Variants in MAPKAP1 observed in about 807,000 individuals in gnomAD.
MAPKAP1 encodes the protein MAPK associated protein 1.
A neutral mutation model predicts 65.7 loss-of-function variants in MAPKAP1; 20 were observed. The ratio of observed to expected loss-of-function variants is 0.30; its 90% CI spans 0.21 to 0.44. MAPKAP1 has a LOEUF of 0.44. Ranked by LOEUF, MAPKAP1 falls within the 20% of genes least tolerant of loss-of-function variation. The pLI is 1.00. For missense variants in MAPKAP1, 423 were observed against 648.0 expected, an observed-to-expected ratio of 0.65 and a Z score of 3.77; for synonymous variants, 222 against 244.3, an observed-to-expected ratio of 0.91 and a Z score of 0.85.
intron 4 of MAPKAP1, among the ~76,000 whole-genome samples, chr9:125,589,271 C>A (rs1831882169): frequency 6.6e-6 from 1 of 152,178 alleles, no homozygotes. Flanking sequence ...CTTCAGAGCG[C>A]TTAACAATTG....
At chr9:125,640,347 C>A (rs1246451996) in intron 4 of MAPKAP1, among the ~76,000 whole-genome samples, 1 of 152,054 alleles carries the variant, frequency 6.6e-6, no homozygotes, top group Non-Finnish European at 1.5e-5. Flanking sequence ...TCGTGATCCG[C>A]CCGCCTCGGC....
At chr9:125,638,962 A>C (rs1833501101) in intron 4 of MAPKAP1, among the ~76,000 whole-genome samples, 1 of 152,226 alleles carries the variant, frequency 6.6e-6, no homozygotes, top group South Asian at 2.1e-4. Flanking sequence ...GAGCCCTTCA[A>C]ATATAGAGAT....
intron 1 of MAPKAP1, among the ~76,000 whole-genome samples, chr9:125,681,354 T>A (rs1056334845): frequency 1.3e-5 from 2 of 152,122 alleles, no homozygotes; most frequent in Non-Finnish European, 2.9e-5. Flanking sequence ...AAGTCAGGGG[T>A]AAAAGACTAT....
At chr9:125,617,843 G>A (rs1053409440) in intron 4 of MAPKAP1, among the ~76,000 whole-genome samples, 2 of 152,032 alleles carry the variant, frequency 1.3e-5, no homozygotes, top group African/African-American at 2.4e-5. Flanking sequence ...GACACGGAGG[G>A]GACTTCAAAA....
intron 4 of MAPKAP1, chr9:125,652,335 G>C: frequency 1.1e-6 from 1 of 914,964 alleles, no homozygotes; most frequent in Non-Finnish European, 1.4e-6. Flanking sequence ...TAACCAGTAT[G>C]TGTTAATTGC....
At chr9:125,655,703 G>A (rs1834015058) in intron 4 of MAPKAP1, among the ~76,000 whole-genome samples, 1 of 152,148 alleles carries the variant, frequency 6.6e-6, no homozygotes, top group Non-Finnish European at 1.5e-5. Context: ...GGGTTTAATT[G>A]TATTTTAGCA....
intron 10 of MAPKAP1, among the ~76,000 whole-genome samples, chr9:125,466,009 G>A (rs928163516): frequency 8.5e-5 from 13 of 152,242 alleles, no homozygotes; most frequent in Admixed American, 5.9e-4. Context: ...TATGGGCTAT[G>A]AGGCTAGCGT....
intron 4 of MAPKAP1, among the ~76,000 whole-genome samples, chr9:125,601,441 A>G (rs1213392920): frequency 6.6e-6 from 1 of 152,198 alleles, no homozygotes; most frequent in Non-Finnish European, 1.5e-5. Flanking sequence ...ACAAATTTCT[A>G]TACAGTGGTA....
At chr9:125,588,443 G>A (rs997926227) in intron 4 of MAPKAP1, among the ~76,000 whole-genome samples, 1 of 152,140 alleles carries the variant, frequency 6.6e-6, no homozygotes. Flanking sequence ...GGGGGTGATC[G>A]TAATGTTCTG....
At position 125,688,528 on chromosome 9, in the gene MAPKAP1, A is replaced by G. The variant is rs2131840456; in HGVS notation, c.-69-15885T>C. 1.3e-5 allele frequency among the ~76,000 whole-genome samples: 2 copies of G among 152,338 alleles called. 1 individual carries two copies. Among genetic ancestry groups the G allele is most frequent in the South Asian group, 4.1e-4 (2 of 4,834 alleles). Reference sequence around the variant, plus strand: ...TCATTCTGCTTATAATACTATAATTAGGGTGAGAATGTTCCACAACATACA... The same window carrying G: ...TCATTCTGCTTATAATACTATAATTGGGGTGAGAATGTTCCACAACATACA... On this transcript the variant is annotated intron_variant, in intron 1 of 11. Coordinates refer to ENST00000265960, the MANE Select transcript of MAPKAP1 (RefSeq NM_001006617.3).
intron 5 of MAPKAP1, among the ~76,000 whole-genome samples, chr9:125,580,163 T>C (rs1831573665): frequency 6.6e-6 from 1 of 152,226 alleles, no homozygotes; most frequent in Non-Finnish European, 1.5e-5. Context: ...AAATACCATT[T>C]GACCCACCTA....
chr9:125,447,517 A>G lies in MAPKAP1; in HGVS notation c.1346-2919T>C. On this transcript the variant is annotated intron_variant, in intron 10 of 11. Coordinates refer to ENST00000265960, the MANE Select transcript of MAPKAP1 (RefSeq NM_001006617.3). This position sits in a 1 kb window ranked among gnomAD's most constrained non-coding sequence, Gnocchi z 4.5. ...GGGGCAAGGGCAGGTTAAGATCAGC[A>G]GCCATGCTGGGCCATAGGACATGGG... is the stretch of plus-strand genomic sequence containing the variant. The G allele has an allele frequency of 2.2e-6, 1 of 456,444 alleles. No individual in the cohort carries two copies. The highest frequency in any genetic ancestry group is 4.4e-6 in the Non-Finnish European group (1 of 226,952). The allele number at this position is 456,444 out of a possible 1,614,324, so 28.3% of individuals were successfully genotyped here. A position where few individuals can be genotyped will look rare whatever the true frequency, so the allele number is the denominator to read the frequency against.
Position 125,618,341 on chromosome 9 carries a change from C to CAAAAAAAAAAAAA in MAPKAP1, c.499-32627_499-32615dup, listed in dbSNP as rs60166871. Among the ~76,000 whole-genome samples the CAAAAAAAAAAAAA allele has an allele frequency of 5.8e-4, 18 of 31,218 alleles. 3 individuals are homozygous for CAAAAAAAAAAAAA. Among genetic ancestry groups the CAAAAAAAAAAAAA allele is most frequent in the Middle Eastern group, 0.038 (1 of 26 alleles). 20.5% of individuals were successfully genotyped at this position (31,218 alleles called of 152,430 possible). A position where few individuals can be genotyped will look rare whatever the true frequency, so the allele number is the denominator to read the frequency against. On this transcript the variant is annotated intron_variant, in intron 4 of 11. Coordinates refer to ENST00000265960, the MANE Select transcript of MAPKAP1 (RefSeq NM_001006617.3). ...TGGGTGACAGAGTGAGGCTCCGTCT[C>CAAAAAAAAAAAAA]AAAAAAAAAAAAAAAAAAAAAAAAA...
chr9:125,521,900 C>T, intron 7 of MAPKAP1: 2 of 771,788 alleles, frequency 2.6e-6, no homozygotes, highest in East Asian at 5.1e-5. Flanking sequence ...AGTCAGCAGA[C>T]TCTGTTATGA....
intron 10 of MAPKAP1, among the ~76,000 whole-genome samples, chr9:125,461,542 C>G (rs760951281): frequency 1.3e-5 from 2 of 152,170 alleles, no homozygotes; most frequent in Non-Finnish European, 2.9e-5. Flanking sequence ...CCCCAGCAGA[C>G]TTCCTTTGAC....
intron 1 of MAPKAP1, among the ~76,000 whole-genome samples, chr9:125,695,379 G>GAAATGAAATATGACAACATGGTCACA: frequency 6.6e-6 from 1 of 152,232 alleles, no homozygotes; most frequent in East Asian, 1.9e-4. Flanking sequence ...GAGGGATGCC[G>GAAATGAAATATGACAACATGGTCACA]AAATGAAATA....
chr9:125,686,667 C>A (rs1031487385), intron 1 of MAPKAP1, among the ~76,000 whole-genome samples: 1 of 152,176 alleles, frequency 6.6e-6, no homozygotes, highest in African/African-American at 2.4e-5. Context: ...CATGTTTGAC[C>A]TCTACCACAC....
intron 1 of MAPKAP1, among the ~76,000 whole-genome samples, chr9:125,677,138 A>G (rs1834669674): frequency 6.6e-6 from 1 of 152,162 alleles, no homozygotes; most frequent in African/African-American, 2.4e-5. Context: ...TGATTCTCTG[A>G]CACAGCCAGA....
chr9:125,454,153 T>C (rs956575892), intron 10 of MAPKAP1, among the ~76,000 whole-genome samples: 1 of 152,278 alleles, frequency 6.6e-6, no homozygotes, highest in Non-Finnish European at 1.5e-5. Context: ...AATGCTTCCA[T>C]GTACTTCAGG....
Sources: allele counts gnomAD v4.1 joint callset (sites outside exome capture counted in the v4.1 genomes callset), GRCh38; gene constraint gnomAD v4.1.1; non-coding constraint Gnocchi (gnomAD v3.1); transcripts MANE v1.5; gene names NCBI Gene and HGNC (gene_info 2026-07-23, HGNC 2026-07-21).